MELK: variants seen among roughly 807,000 people sequenced by gnomAD.
MELK encodes the protein maternal embryonic leucine zipper kinase.
In MELK, 81 loss-of-function variants were observed where a neutral mutation model predicts 85.0. The ratio of observed to expected loss-of-function variants is 0.95; its 90% CI spans 0.80 to 1.15. The LOEUF (loss-of-function observed/expected upper bound fraction) is 1.15, where lower values mean the gene tolerates loss of function less well. Among genes scored for constraint, MELK ranks in the 50% most tolerant of loss-of-function variants. MELK has a pLI of 0.00. For missense variants in MELK, 754 were observed against 777.5 expected, an observed-to-expected ratio of 0.97 and a Z score of 0.36; for synonymous variants, 252 against 265.0, an observed-to-expected ratio of 0.95 and a Z score of 0.48.
intron 16 of MELK, among the ~76,000 whole-genome samples, chr9:36,672,266 C>G (rs899312383): frequency 1.1e-4 from 17 of 152,004 alleles, no homozygotes; most frequent in African/African-American, 3.9e-4. Context: ...CATATTTTAT[C>G]CTTTTGTTCT....
chr9:36,642,926 AT>A, intron 10 of MELK, 70 bp from the exon 11 acceptor site: 1 of 1,134,760 alleles, frequency 8.8e-7, no homozygotes. Context: ...AATTATGCTG[AT>A]TTTAAAATGT....
chr9:36,657,421 C>A, intron 13 of MELK, 58 bp downstream of exon 13: 1 of 1,520,186 alleles, frequency 6.6e-7, no homozygotes, highest in Non-Finnish European at 8.8e-7. Flanking sequence ...ATAAAAACAA[C>A]CAGACTAATG....
At chr9:36,612,192 T>G (rs1389359547) in intron 8 of MELK, among the ~76,000 whole-genome samples, 1 of 151,778 alleles carries the variant, frequency 6.6e-6, no homozygotes, top group Non-Finnish European at 1.5e-5. Context: ...GCCTCCTCAG[T>G]TCAAGCGATT....
chr9:36,640,259 A>G (rs1376313328), intron 10 of MELK, among the ~76,000 whole-genome samples: 2 of 152,186 alleles, frequency 1.3e-5, no homozygotes, highest in Non-Finnish European at 1.5e-5. Context: ...AGATCAAGGC[A>G]TCATAGAGCT....
chr9:36,618,418 A>AG (rs1279220106), intron 8 of MELK, among the ~76,000 whole-genome samples: 1 of 152,012 alleles, frequency 6.6e-6, no homozygotes, highest in Non-Finnish European at 1.5e-5. Flanking sequence ...AAAAAAAAAA[A>AG]AAAGAAAAAG....
At chr9:36,629,439 T>A (rs1828290746) in intron 8 of MELK, among the ~76,000 whole-genome samples, 1 of 152,212 alleles carries the variant, frequency 6.6e-6, no homozygotes, top group South Asian at 2.1e-4. Flanking sequence ...CTGAGTATAC[T>A]AGGTTGTATA....
At chr9:36,613,798 C>G (rs1278975487) in intron 8 of MELK, among the ~76,000 whole-genome samples, 1 of 152,078 alleles carries the variant, frequency 6.6e-6, no homozygotes, top group African/African-American at 2.4e-5. Flanking sequence ...CCAGTGCAGC[C>G]TGAGTTTAGC....
intron 7 of MELK, among the ~76,000 whole-genome samples, chr9:36,601,297 T>G (rs1339300748): frequency 6.6e-6 from 1 of 152,194 alleles, no homozygotes; most frequent in Non-Finnish European, 1.5e-5. Context: ...TTGTGTCTCT[T>G]TAGTCCCTTT....
intron 8 of MELK, among the ~76,000 whole-genome samples, chr9:36,628,048 T>C (rs1564180230): frequency 6.6e-6 from 1 of 151,238 alleles, no homozygotes; most frequent in Admixed American, 6.6e-5. Flanking sequence ...ATTACAGACA[T>C]GCGCCACCAC....
At chr9:36,668,127 T>C (rs1027088196) in intron 14 of MELK, among the ~76,000 whole-genome samples, 4 of 152,200 alleles carry the variant, frequency 2.6e-5, no homozygotes, top group Admixed American at 6.5e-5. Context: ...TTCATTTTCG[T>C]CACTCCTACA....
chr9:36,581,897 T>C (rs987423974), intron 2 of MELK, among the ~76,000 whole-genome samples, 158 bp downstream of exon 2: 2 of 152,098 alleles, frequency 1.3e-5, no homozygotes, highest in Non-Finnish European at 2.9e-5. Flanking sequence ...AGGAGAATAG[T>C]AGGAGAAGCC....
chr9:36,580,675 G>A (rs1383359476), intron 1 of MELK, among the ~76,000 whole-genome samples: 1 of 151,370 alleles, frequency 6.6e-6, no homozygotes, highest in Non-Finnish European at 1.5e-5. Flanking sequence ...GCCAGAGTAG[G>A]CTCAGAGACA....
chr9:36,586,459 A>G (rs1822914144), intron 3 of MELK, among the ~76,000 whole-genome samples: 5 of 152,198 alleles, frequency 3.3e-5, no homozygotes, highest in Admixed American at 3.3e-4. Flanking sequence ...CAGTATAAGA[A>G]ATTATTTTTA....
intron 8 of MELK, among the ~76,000 whole-genome samples, chr9:36,624,587 AG>A (rs1827764201): frequency 1.3e-5 from 2 of 152,368 alleles, no homozygotes; most frequent in South Asian, 4.1e-4. Flanking sequence ...AGCAAAGCAC[AG>A]GGGAATCTAT....
chr9:36,677,034 A>T, intron 17 of MELK, 126 bp from the exon 18 acceptor site: 1 of 767,092 alleles, frequency 1.3e-6, no homozygotes, highest in Non-Finnish European at 2.0e-6. Flanking sequence ...GGAAACTGTA[A>T]ACAGTAATAC....
Position 36,677,145 on chromosome 9 carries a change from T to G in MELK, c.1779-15T>G, listed in dbSNP as rs201822585. Reference sequence around the variant, plus strand: ...GGTTCTCCTACTAACTAGCTTCTTATCTTGTTTTTCACAGTTATACACTGA... The same window carrying G: ...GGTTCTCCTACTAACTAGCTTCTTAGCTTGTTTTTCACAGTTATACACTGA... On this transcript the variant is annotated splice_polypyrimidine_tract_variant and intron_variant, in intron 17 of 17. Transcript: ENST00000298048. 6.2e-7 allele frequency: 1 copy of G among 1,606,390 alleles called. No individual in the cohort carries two copies. Among genetic ancestry groups the G allele is most frequent in the Non-Finnish European group, 8.5e-7 (1 of 1,174,542 alleles).
intron 11 of MELK, among the ~76,000 whole-genome samples, chr9:36,643,479 G>A (rs547192364): frequency 6.6e-6 from 1 of 152,224 alleles, no homozygotes; most frequent in African/African-American, 2.4e-5. Context: ...AAATAGTATA[G>A]CATTTTCAGA....
chr9:36,645,768 G>T (rs183678083), intron 11 of MELK, among the ~76,000 whole-genome samples: 2 of 152,266 alleles, frequency 1.3e-5, no homozygotes, highest in African/African-American at 4.8e-5. Context: ...AGCTGACTGT[G>T]GTACGCAGCC....
chr9:36,599,977 A>G (rs769474569), intron 7 of MELK, among the ~76,000 whole-genome samples: 7 of 152,196 alleles, frequency 4.6e-5, no homozygotes, highest in South Asian at 2.1e-4. Flanking sequence ...TCTCTGGAGT[A>G]CTAGTTTTGC....
Sources: allele counts gnomAD v4.1 joint callset (sites outside exome capture counted in the v4.1 genomes callset), GRCh38; gene constraint gnomAD v4.1.1; transcripts MANE v1.5; gene names NCBI Gene and HGNC (gene_info 2026-07-23, HGNC 2026-07-21).